Variants in UBE2QL1 observed in about 807,000 individuals in gnomAD.
The protein encoded by UBE2QL1 is ubiquitin conjugating enzyme E2 QL1, also known as ubiquitin-conjugating enzyme E2Q-like protein 1.
In UBE2QL1, 5 loss-of-function variants were observed where a neutral mutation model predicts 12.6. The ratio of observed to expected loss-of-function variants is 0.40; its 90% confidence interval spans 0.21 to 0.83. The LOEUF is 0.83. Among genes scored for constraint, UBE2QL1 ranks in the 40% least tolerant of loss-of-function variants. The pLI is 0.37. For synonymous variants in UBE2QL1, 96 were observed against 94.5 expected, an observed-to-expected ratio of 1.02 and a Z score of -0.10; for missense variants, 99 against 222.6, an observed-to-expected ratio of 0.44 and a Z score of 3.53.
At position 6,456,120 on chromosome 5, in the gene UBE2QL1, G is replaced by A. The variant is rs182192359; in HGVS notation, c.354+6873G>A. On this transcript the variant is annotated intron_variant, in intron 1 of 1. Transcript: ENST00000399816. ...AGGAACTTCCTAGGCATCATTGGGG[G>A]ATCAGATACACATCAAGTGCCTGCC... 1.5e-3 allele frequency among the ~76,000 whole-genome samples: 227 copies of A among 152,266 alleles called. 2 individuals are homozygous for A. Among genetic ancestry groups the A allele is most frequent in the African/African-American group, 4.7e-3 (196 of 41,550 alleles).
chr5:6,475,792 A>G (rs1012649246), intron 1 of UBE2QL1, among the ~76,000 whole-genome samples: 3 of 152,046 alleles, frequency 2.0e-5, no homozygotes, highest in African/African-American at 4.8e-5. Context: ...AGGTGCTGGA[A>G]GGGAACTGGC....
chr5:6,459,425 C>G (rs983924065), intron 1 of UBE2QL1, among the ~76,000 whole-genome samples: 2 of 152,120 alleles, frequency 1.3e-5, no homozygotes, highest in African/African-American at 4.8e-5. Flanking sequence ...GATGATCGGT[C>G]AAAGAGAAAC....
intron 1 of UBE2QL1, among the ~76,000 whole-genome samples, chr5:6,466,524 C>G (rs1739798784): frequency 6.6e-6 from 1 of 152,226 alleles, no homozygotes. Context: ...CAACATGGGG[C>G]CTGCCGGACC....
intron 1 of UBE2QL1, among the ~76,000 whole-genome samples, chr5:6,480,715 G>C (rs1207702134): frequency 2.6e-5 from 4 of 152,220 alleles, no homozygotes; most frequent in Non-Finnish European, 5.9e-5. Context: ...CCCATGAACT[G>C]TGCCTTTGGT....
At chr5:6,477,183 G>T (rs558301881) in intron 1 of UBE2QL1, among the ~76,000 whole-genome samples, 2 of 152,164 alleles carry the variant, frequency 1.3e-5, no homozygotes, top group South Asian at 4.1e-4. Context: ...TGACCTCCAC[G>T]TGCCCCCCAG....
chr5:6,466,558 C>A (rs768241485), intron 1 of UBE2QL1, among the ~76,000 whole-genome samples: 1 of 152,238 alleles, frequency 6.6e-6, no homozygotes, highest in South Asian at 2.1e-4. Flanking sequence ...GCCTAGTAAG[C>A]GCTCAGCACC....
intron 1 of UBE2QL1, among the ~76,000 whole-genome samples, chr5:6,450,232 C>T (rs1223741687): frequency 2.0e-5 from 3 of 152,082 alleles, no homozygotes. Flanking sequence ...CCTTACCTCA[C>T]TGCCCCAAGC....
Position 6,485,580 on chromosome 5 carries a change from G to C in UBE2QL1, c.355-5638G>C, listed in dbSNP as rs189803211. On this transcript the variant is annotated intron_variant, in intron 1 of 1. Coordinates refer to ENST00000399816, the MANE Select transcript of UBE2QL1 (RefSeq NM_001145161.3). ...TGCACACGTTTACAACCCATGTCAG[G>C]GAGCTTAAGGTTACGAGTGCTTTTA... 4.6e-5 allele frequency among the ~76,000 whole-genome samples: 7 copies of C among 152,262 alleles called. No homozygotes were observed. In the East Asian group the frequency reaches 1.4e-3, roughly 29 times the overall value.
At chr5:6,466,558 C>T (rs768241485) in intron 1 of UBE2QL1, among the ~76,000 whole-genome samples, 4 of 152,238 alleles carry the variant, frequency 2.6e-5, no homozygotes, top group African/African-American at 7.2e-5. Context: ...GCCTAGTAAG[C>T]GCTCAGCACC....
intron 1 of UBE2QL1, among the ~76,000 whole-genome samples, chr5:6,454,838 A>G (rs2126323242): frequency 6.6e-6 from 1 of 152,166 alleles, no homozygotes; most frequent in South Asian, 2.1e-4. Context: ...TGTACAGGGC[A>G]CGGAGATTAT....
chr5:6,468,045 C>T (rs1739834464), intron 1 of UBE2QL1, among the ~76,000 whole-genome samples: 1 of 152,144 alleles, frequency 6.6e-6, no homozygotes, highest in South Asian at 2.1e-4. Flanking sequence ...TCTTCTTTGG[C>T]ACTTTTCCCA....
intron 1 of UBE2QL1, among the ~76,000 whole-genome samples, chr5:6,486,325 A>G (rs1419369077): frequency 6.6e-6 from 1 of 151,068 alleles, no homozygotes; most frequent in African/African-American, 2.4e-5. Context: ...CACACACACA[A>G]GCACACACAC....
chr5:6,488,399 A>G (rs1264586259), intron 1 of UBE2QL1, among the ~76,000 whole-genome samples: 2 of 152,104 alleles, frequency 1.3e-5, no homozygotes, highest in African/African-American at 4.8e-5. Flanking sequence ...AAATAATACC[A>G]TAGATTTTCA....
At chr5:6,465,946 C>T (rs1281901347) in intron 1 of UBE2QL1, among the ~76,000 whole-genome samples, 1 of 152,178 alleles carries the variant, frequency 6.6e-6, no homozygotes. Context: ...TTCCTTCCCC[C>T]GACACCAGCC....
chr5:6,489,976 AGG>A (rs1734538235), intron 1 of UBE2QL1, among the ~76,000 whole-genome samples: 1 of 152,218 alleles, frequency 6.6e-6, no homozygotes, highest in Admixed American at 6.5e-5. Context: ...CTGTTCGCGA[AGG>A]TTCCTGAACA....
At chr5:6,452,214 T>C (rs1408922789) in intron 1 of UBE2QL1, among the ~76,000 whole-genome samples, 1 of 152,206 alleles carries the variant, frequency 6.6e-6, no homozygotes, top group African/African-American at 2.4e-5. Context: ...TTGTGTACAA[T>C]AAAAAGCTTA....
intron 1 of UBE2QL1, among the ~76,000 whole-genome samples, chr5:6,463,596 C>CTGTTGT (rs575069807): frequency 3.5e-5 from 4 of 113,070 alleles, no homozygotes; most frequent in African/African-American, 1.2e-4. Flanking sequence ...TGTATTTGTG[C>CTGTTGT]TGTTATTATT....
chr5:6,462,120 A>C (rs1739682536), intron 1 of UBE2QL1, among the ~76,000 whole-genome samples: 5 of 152,200 alleles, frequency 3.3e-5, no homozygotes, highest in Admixed American at 3.3e-4. Flanking sequence ...CTCTGTGGCC[A>C]GAAGATGCTC....
chr5:6,469,449 TTATA>T (rs1219389582), intron 1 of UBE2QL1, among the ~76,000 whole-genome samples: 1 of 148,348 alleles, frequency 6.7e-6, no homozygotes, highest in Non-Finnish European at 1.5e-5. Flanking sequence ...AATCTAAGGC[TTATA>T]TATATAAGCT....
Sources: allele counts gnomAD v4.1 joint callset (sites outside exome capture counted in the v4.1 genomes callset), GRCh38; gene constraint gnomAD v4.1.1; transcripts MANE v1.5; gene names NCBI Gene and HGNC (gene_info 2026-07-23, HGNC 2026-07-21).